TYW1B: variants seen among roughly 807,000 people sequenced by gnomAD.
TYW1B encodes the protein S-adenosyl-L-methionine-dependent tRNA 4-demethylwyosine synthase TYW1B.
TYW1B carries 73 observed loss-of-function variants against 86.9 expected under a neutral mutation model. That is an observed-to-expected ratio of 0.84 (90% CI 0.70 to 1.02). The LOEUF (loss-of-function observed/expected upper bound fraction) is 1.02. TYW1B is among the 50% of genes least tolerant of loss of function. The pLI is 0.00. For missense variants in TYW1B, 637 were observed against 827.4 expected (o/e 0.77, Z 2.82); for synonymous variants, 248 against 292.8 (o/e 0.85, Z 1.56).
At chr7:72,646,723 T>C (rs1307038693) in intron 11 of TYW1B, among the ~76,000 whole-genome samples, 3 of 152,196 alleles carry the variant, frequency 2.0e-5, no homozygotes. Flanking sequence ...GATAAAATGA[T>C]ATTATGTCTG....
chr7:72,630,034 T>G (rs1214848559), intron 11 of TYW1B, among the ~76,000 whole-genome samples: 1 of 152,076 alleles, frequency 6.6e-6, no homozygotes, highest in East Asian at 1.9e-4. Flanking sequence ...ATCCCAGCAC[T>G]TTGGGAGGCC....
rs552889297 is a variant in TYW1B at position 72,620,410 on chromosome 7, A to T, written c.1618-3571T>A. 9.2e-5 allele frequency among the ~76,000 whole-genome samples: 14 copies of T among 152,236 alleles called. No individual in the cohort carries two copies. In the East Asian group the frequency reaches 2.7e-3, roughly 29 times the overall value. ...AGACTCTGTCTCAAAACAAAACAAA[A>T]CAAAAACCAAACAACAACAACAAAA... On this transcript the variant is annotated intron_variant, in intron 12 of 13. Transcript: ENST00000620995.
chr7:72,706,169 C>G (rs1324790931), intron 10 of TYW1B, among the ~76,000 whole-genome samples: 2 of 152,136 alleles, frequency 1.3e-5, no homozygotes, highest in African/African-American at 2.4e-5. Flanking sequence ...TGGCTCACAC[C>G]TGTAATCCCA....
chr7:72,585,568 G>A (rs1437520364), intron 13 of TYW1B, among the ~76,000 whole-genome samples: 2 of 152,206 alleles, frequency 1.3e-5, no homozygotes, highest in African/African-American at 4.8e-5. Flanking sequence ...CCCATGTGTT[G>A]TGGGAGGGAC....
intron 4 of TYW1B, among the ~76,000 whole-genome samples, chr7:72,808,613 T>C (rs1332088073): frequency 6.6e-6 from 1 of 150,688 alleles, no homozygotes; most frequent in Non-Finnish European, 1.5e-5. Context: ...CTGCAACCTC[T>C]ACCTCCCGGG....
At chr7:72,750,622 C>T (rs1375878686) in intron 7 of TYW1B, among the ~76,000 whole-genome samples, 1 of 152,118 alleles carries the variant, frequency 6.6e-6, no homozygotes, top group African/African-American at 2.4e-5. Context: ...ATTTGGGCTA[C>T]TTTCAACCAA....
chr7:72,675,526 T>C (rs1461041691), intron 11 of TYW1B, among the ~76,000 whole-genome samples: 4 of 144,546 alleles, frequency 2.8e-5, no homozygotes. Context: ...GTTGCCCTAA[T>C]ACAGTGATGT....
At chr7:72,715,429 T>C (rs1362053176) in intron 9 of TYW1B, among the ~76,000 whole-genome samples, 12 of 152,326 alleles carry the variant, frequency 7.9e-5, no homozygotes, top group Admixed American at 2.0e-4. Context: ...GGTACTGCTC[T>C]TGACTCAATG....
At chr7:72,745,827 G>C (rs1787383081) in intron 7 of TYW1B, among the ~76,000 whole-genome samples, 1 of 148,874 alleles carries the variant, frequency 6.7e-6, no homozygotes, top group Non-Finnish European at 1.5e-5. Flanking sequence ...AGACACGAAT[G>C]AGTAGCCTTT....
intron 2 of TYW1B, among the ~76,000 whole-genome samples, chr7:72,824,939 C>CA (rs1205188299): frequency 1.3e-5 from 2 of 151,362 alleles, no homozygotes; most frequent in Non-Finnish European, 1.5e-5. Flanking sequence ...CCCATCTCTA[C>CA]AAAAAATACA....
chr7:72,781,778 T>C (rs1788054389), intron 6 of TYW1B, among the ~76,000 whole-genome samples: 1 of 152,130 alleles, frequency 6.6e-6, no homozygotes, highest in African/African-American at 2.4e-5. Context: ...CCATCACACT[T>C]GCGTTGAAAG....
chr7:72,764,001 C>G (rs1379209629), intron 7 of TYW1B, among the ~76,000 whole-genome samples: 1 of 151,944 alleles, frequency 6.6e-6, no homozygotes, highest in African/African-American at 2.4e-5. Context: ...ATAATTGATT[C>G]TTTTTTAAAG....
intron 7 of TYW1B, among the ~76,000 whole-genome samples, chr7:72,776,957 A>T (rs1323134780): frequency 4.6e-5 from 7 of 152,108 alleles, no homozygotes; most frequent in Non-Finnish European, 7.4e-5. Flanking sequence ...GGGAGGGGGA[A>T]GAAGGAAAGG....
chr7:72,686,400 A>G (rs1232868649), intron 11 of TYW1B, among the ~76,000 whole-genome samples: 1 of 152,238 alleles, frequency 6.6e-6, no homozygotes, highest in African/African-American at 2.4e-5. Flanking sequence ...TCCATGTGAA[A>G]ACACATGGAA....
At chr7:72,760,299 T>A (rs1787665342) in intron 7 of TYW1B, among the ~76,000 whole-genome samples, 1 of 152,302 alleles carries the variant, frequency 6.6e-6, no homozygotes, top group East Asian at 1.9e-4. Flanking sequence ...GTTTTAAAAA[T>A]CAAAGTGCAT....
intron 9 of TYW1B, among the ~76,000 whole-genome samples, chr7:72,728,494 A>G (rs1787045944): frequency 6.6e-6 from 1 of 152,016 alleles, no homozygotes; most frequent in African/African-American, 2.4e-5. Context: ...TTTAGTAGAG[A>G]CGGGGTTTCA....
chr7:72,684,258 C>A (rs35821230), intron 11 of TYW1B, among the ~76,000 whole-genome samples: 1 of 151,812 alleles, frequency 6.6e-6, no homozygotes, highest in African/African-American at 2.4e-5. Context: ...AGGATAAATG[C>A]CAGAAAAACT....
chr7:72,825,016 T>C (rs1473378596), intron 2 of TYW1B, among the ~76,000 whole-genome samples: 5 of 149,810 alleles, frequency 3.3e-5, no homozygotes, highest in Non-Finnish European at 5.9e-5. Flanking sequence ...GGTGGGAGGA[T>C]GCCTTGAGCC....
chr7:72,632,341 ATATATTATATATAT>A (rs1812526387), intron 11 of TYW1B, among the ~76,000 whole-genome samples: 1 of 121,090 alleles, frequency 8.3e-6, no homozygotes, highest in African/African-American at 3.4e-5. Context: ...ATACACGTAT[ATATATTATATATAT>A]TATATATATA....
Sources: gnomAD v4.1 joint callset for allele counts (sites outside exome capture counted in the v4.1 genomes callset) on GRCh38, gnomAD v4.1.1 for gene constraint, MANE v1.5 for transcripts, NCBI Gene and HGNC (gene_info 2026-07-23, HGNC 2026-07-21) for gene names.